The following DAB1 variants were observed in gnomAD, a reference collection of about 807,000 sequenced individuals.
DAB1 encodes the protein DAB adaptor protein 1, also known as disabled homolog 1.
A neutral mutation model predicts 64.6 loss-of-function variants in DAB1; 15 were observed. The observed-to-expected ratio is 0.23, with a 90% confidence interval of 0.16 to 0.36. The LOEUF (loss-of-function observed/expected upper bound fraction) is 0.36. Among genes scored for constraint, DAB1 ranks in the 10% least tolerant of loss-of-function variants. The pLI is 1.00. For missense variants in DAB1, 596 were observed against 706.7 expected, an observed-to-expected ratio of 0.84 and a Z score of 1.78; for synonymous variants, 235 against 251.9, an observed-to-expected ratio of 0.93 and a Z score of 0.64.
chr1:58,436,400 G>C (rs561066274), intron 3 of DAB1, among the ~76,000 whole-genome samples: 39 of 152,318 alleles, frequency 2.6e-4, no homozygotes, highest in African/African-American at 8.9e-4. Context: ...GGAATGGGGA[G>C]CTTTCTCCAA....
intron 1 of DAB1, among the ~76,000 whole-genome samples, chr1:57,369,911 C>T (rs898065539): frequency 4.6e-5 from 7 of 152,210 alleles, no homozygotes; most frequent in Non-Finnish European, 8.8e-5. Flanking sequence ...CATCCAGCTA[C>T]GAAGTCACGT....
chr1:57,644,100 A>G (rs1020213387), intron 7 of DAB1, among the ~76,000 whole-genome samples: 7 of 152,178 alleles, frequency 4.6e-5, no homozygotes, highest in African/African-American at 1.7e-4. Context: ...TTCGAAAGGC[A>G]CAGGGAGGAT....
At chr1:58,093,290 GGCAGAA>G (rs1279940144) in intron 5 of DAB1, among the ~76,000 whole-genome samples, 2 of 152,144 alleles carry the variant, frequency 1.3e-5, no homozygotes, top group African/African-American at 4.8e-5. Context: ...ACAGTGTAGG[GGCAGAA>G]GGTAATTCAG....
intron 6 of DAB1, among the ~76,000 whole-genome samples, chr1:57,802,474 A>T (rs940997172): frequency 1.3e-5 from 2 of 152,186 alleles, no homozygotes; most frequent in Non-Finnish European, 2.9e-5. Context: ...AACCCAACAA[A>T]GCCTGTCGAG....
intron 7 of DAB1, among the ~76,000 whole-genome samples, chr1:57,641,358 A>T (rs1411989774): frequency 1.4e-5 from 2 of 141,730 alleles, no homozygotes; most frequent in East Asian, 4.1e-4. Context: ...ACTCTTGCCC[A>T]GTTCCCTCTT....
intron 5 of DAB1, among the ~76,000 whole-genome samples, chr1:57,939,114 T>C (rs1450148728): frequency 6.6e-6 from 1 of 152,120 alleles, no homozygotes; most frequent in African/African-American, 2.4e-5. Context: ...GGTGCCAGCA[T>C]GGCCACGTTC....
At chr1:57,137,683 C>T (rs1327470211) in intron 3 of DAB1, among the ~76,000 whole-genome samples, 4 of 152,170 alleles carry the variant, frequency 2.6e-5, no homozygotes, top group Non-Finnish European at 5.9e-5. Flanking sequence ...TTAAGCCCAA[C>T]TCTCAGCAGT....
intron 4 of DAB1, among the ~76,000 whole-genome samples, chr1:58,174,347 C>A (rs1042200751): frequency 1.1e-4 from 16 of 152,170 alleles, no homozygotes; most frequent in Non-Finnish European, 2.9e-5. Flanking sequence ...ACCTCCTTGC[C>A]AAATTTGTTT....
downstream of DAB1, among the ~76,000 whole-genome samples, chr1:57,824,129 T>C (rs1652244707): frequency 6.6e-6 from 1 of 152,234 alleles, no homozygotes; most frequent in African/African-American, 2.4e-5. Flanking sequence ...GAGTTAGATG[T>C]TATCTCCATG....
intron 2 of DAB1, among the ~76,000 whole-genome samples, chr1:57,236,099 C>T (rs756492144): frequency 9.2e-5 from 14 of 152,076 alleles, no homozygotes; most frequent in East Asian, 1.9e-4. Flanking sequence ...AGAAAGAAGA[C>T]GAGAGCAGAA....
intron 7 of DAB1, among the ~76,000 whole-genome samples, chr1:57,559,992 T>C (rs1419357637): frequency 6.6e-6 from 1 of 152,236 alleles, no homozygotes; most frequent in Non-Finnish European, 1.5e-5. Flanking sequence ...GACAGTGGAT[T>C]ATTGTAAGCT....
intron 9 of DAB1, among the ~76,000 whole-genome samples, chr1:57,036,776 G>T (rs865965149): frequency 1.3e-5 from 2 of 152,026 alleles, no homozygotes; most frequent in Non-Finnish European, 2.9e-5. Context: ...TTTCAATATG[G>T]TTCTGGCTTG....
intron 3 of DAB1, among the ~76,000 whole-genome samples, chr1:58,359,630 C>T (rs1304799896): frequency 6.6e-6 from 1 of 151,216 alleles, no homozygotes; most frequent in African/African-American, 2.4e-5. Flanking sequence ...CTTCAGTAAT[C>T]AACACATGTT....
intron 4 of DAB1, among the ~76,000 whole-genome samples, chr1:58,289,087 TCTC>T (rs1007999822): frequency 6.6e-6 from 1 of 152,204 alleles, no homozygotes; most frequent in Admixed American, 6.6e-5. Flanking sequence ...TAGGCTTTCT[TCTC>T]CTATCACGCA....
chr1:57,788,156 C>A (rs2101854161), intron 6 of DAB1, among the ~76,000 whole-genome samples: 1 of 152,254 alleles, frequency 6.6e-6, no homozygotes, highest in Middle Eastern at 3.4e-3. Flanking sequence ...CAATTCCATT[C>A]TTAGATATTT....
At chr1:57,908,245 ACT>A (rs914197437) in intron 5 of DAB1, among the ~76,000 whole-genome samples, 2 of 151,856 alleles carry the variant, frequency 1.3e-5, no homozygotes, top group African/African-American at 4.8e-5. Flanking sequence ...TGCTCTGATG[ACT>A]CTGGGAGACC....
intron 5 of DAB1, among the ~76,000 whole-genome samples, chr1:58,135,466 C>CT (rs368768157): frequency 2.6e-5 from 4 of 151,864 alleles, no homozygotes; most frequent in Non-Finnish European, 5.9e-5. Flanking sequence ...CAAACAGGAA[C>CT]TTTTTTTTAT....
At chr1:58,194,933 C>A (rs1273956344) in intron 4 of DAB1, among the ~76,000 whole-genome samples, 1 of 152,232 alleles carries the variant, frequency 6.6e-6, no homozygotes, top group Non-Finnish European at 1.5e-5. Flanking sequence ...TGATCCTTTT[C>A]TAGGATCAAG....
rs114893666 is a variant in DAB1, at chr1:57,269,915, C to G, written c.67+21049G>C. ...GATCAAAGGATTAAGAGGTTTTGGG[C>G]AAAGAACGCTTGGCATTTGGTCACG... On this transcript the variant is annotated intron_variant, in intron 2 of 14. Coordinates refer to ENST00000371236, the MANE Select transcript of DAB1 (RefSeq NM_001365792.1). 4.7e-3 allele frequency among the ~76,000 whole-genome samples: 718 copies of G among 152,194 alleles called. 6 individuals are homozygous for G. The highest frequency in any genetic ancestry group is 0.016 in the African/African-American group (675 of 41,528).
Sources: allele counts gnomAD v4.1 joint callset (sites outside exome capture counted in the v4.1 genomes callset), GRCh38; gene constraint gnomAD v4.1.1; transcripts MANE v1.5; gene names NCBI Gene and HGNC (gene_info 2026-07-23, HGNC 2026-07-21).